The following KLHDC10 variants were observed in gnomAD, a reference collection of about 807,000 sequenced individuals.
The protein encoded by KLHDC10 is kelch domain-containing protein 10.
A neutral mutation model predicts 56.1 loss-of-function variants in KLHDC10; 24 were observed. The observed-to-expected ratio is 0.43, with a 90% confidence interval of 0.31 to 0.60. The LOEUF (loss-of-function observed/expected upper bound fraction) is 0.60. Ranked by LOEUF, KLHDC10 falls within the 20% of genes least tolerant of loss-of-function variation. The pLI is 0.11. For synonymous variants in KLHDC10, 188 were observed against 207.1 expected, an observed-to-expected ratio of 0.91 and a Z score of 0.79; for missense variants, 349 against 567.0, an observed-to-expected ratio of 0.62 and a Z score of 3.91.
chr7:130,108,828 CCT>C (rs1796058628), intron 2 of KLHDC10, among the ~76,000 whole-genome samples: 1 of 152,140 alleles, frequency 6.6e-6, no homozygotes, highest in Non-Finnish European at 1.5e-5. Context: ...TGCTCCCTCT[CCT>C]CTCTCCCTTC....
At chr7:130,096,651 T>TAATA (rs951423194) in intron 1 of KLHDC10, among the ~76,000 whole-genome samples, 1 of 152,184 alleles carries the variant, frequency 6.6e-6, no homozygotes, top group Admixed American at 6.5e-5. Context: ...TGGTGATTAT[T>TAATA]GAGTGCACAT....
chr7:130,121,975 T>C (rs1340832847), intron 4 of KLHDC10, 79 bp from the exon 5 acceptor site: 7 of 1,251,958 alleles, frequency 5.6e-6, no homozygotes, highest in East Asian at 2.5e-5. Flanking sequence ...TAAAACCTGA[T>C]TTGGAGGTAT....
At chr7:130,073,875 TA>T (rs1795459250) in intron 1 of KLHDC10, among the ~76,000 whole-genome samples, 1 of 152,176 alleles carries the variant, frequency 6.6e-6, no homozygotes, top group South Asian at 2.1e-4. Context: ...ACTCCTGCCA[TA>T]ACTCCAATCC....
intron 1 of KLHDC10, among the ~76,000 whole-genome samples, chr7:130,088,760 A>C (rs1220236454): frequency 6.7e-6 from 1 of 149,334 alleles, no homozygotes; most frequent in East Asian, 2.0e-4. Flanking sequence ...CTCCTGCCTC[A>C]GCCTCCCGAG....
At chr7:130,090,643 C>A (rs527291503) in intron 1 of KLHDC10, among the ~76,000 whole-genome samples, 27 of 151,706 alleles carry the variant, frequency 1.8e-4, no homozygotes, top group Middle Eastern at 3.5e-3. Flanking sequence ...GATCCATATA[C>A]CCTTCCCCAG....
intron 1 of KLHDC10, among the ~76,000 whole-genome samples, chr7:130,093,753 T>C (rs1201111871): frequency 1.3e-5 from 2 of 152,096 alleles, no homozygotes; most frequent in African/African-American, 4.8e-5. Flanking sequence ...ATAAAATGGG[T>C]TTTGAAGTCA....
In KLHDC10 at chr7:130,130,417, C is replaced by T. The variant is rs897563680; in HGVS notation, c.1120-120C>T. 39 of 731,426 alleles carry T rather than the reference C, an allele frequency of 5.3e-5. No homozygotes were observed. The highest frequency in any genetic ancestry group is 8.7e-5 in the Non-Finnish European group (36 of 413,186). 45.3% of individuals were successfully genotyped at this position (731,426 alleles called of 1,614,324 possible). A position where few individuals can be genotyped will look rare whatever the true frequency, so the allele number is the denominator to read the frequency against. Reference sequence around the variant, plus strand: ...CTTGATCTCCACATGGTATTGGGATCAGTGAGGAATTCTTGTTTCATTTCA... The same window carrying T: ...CTTGATCTCCACATGGTATTGGGATTAGTGAGGAATTCTTGTTTCATTTCA... On this transcript the variant is annotated intron_variant, in intron 9 of 9. Transcript: ENST00000335420. The surrounding 1 kb of genome is among the most constrained non-coding windows in gnomAD (Gnocchi z 4.2).
Position 130,122,041 on chromosome 7 carries a change from C to T in KLHDC10, c.631-13C>T, listed in dbSNP as rs1374365150. 1.2e-6 allele frequency: 2 copies of T among 1,608,024 alleles called. No individual in the cohort carries two copies. On this transcript the variant is annotated splice_polypyrimidine_tract_variant and intron_variant, in intron 4 of 9. Transcript: ENST00000335420. ...TAACAAGTCGGTCTTATTCACCTTT[C>T]CTTGTTATCCAGGCTATGGCCATCA... is the stretch of plus-strand genomic sequence containing the variant.
rs1233381887 is a variant in KLHDC10, at chr7:130,085,795, C to T, written c.167-11126C>T. 2.1e-5 allele frequency among the ~76,000 whole-genome samples: 3 copies of T among 143,020 alleles called. No homozygotes were observed. The East Asian group carries it at 6.3e-4, about 30-fold the overall frequency. The allele number at this position is 143,020 out of a possible 152,430, so 93.8% of individuals were successfully genotyped here. ...GTTGCAGTGAGCCGACATTGCACCACTGCACTCCAGCCTGGGTGACAGAGT... is the reference window on the plus strand; with the variant it reads ...GTTGCAGTGAGCCGACATTGCACCATTGCACTCCAGCCTGGGTGACAGAGT... On this transcript the variant is annotated intron_variant, in intron 1 of 9. Coordinates refer to ENST00000335420, the MANE Select transcript of KLHDC10 (RefSeq NM_014997.4).
At chr7:130,092,042 T>C (rs1795782599) in intron 1 of KLHDC10, among the ~76,000 whole-genome samples, 1 of 152,224 alleles carries the variant, frequency 6.6e-6, no homozygotes, top group Admixed American at 6.5e-5. Flanking sequence ...CCCCACTGAA[T>C]AGTCTTGTCA....
At chr7:130,105,871 C>T (rs556974390) in intron 2 of KLHDC10, among the ~76,000 whole-genome samples, 4 of 152,198 alleles carry the variant, frequency 2.6e-5, no homozygotes, top group South Asian at 2.1e-4. Context: ...CATTTAAGGC[C>T]GGGCGCGGTG....
intron 1 of KLHDC10, among the ~76,000 whole-genome samples, chr7:130,080,340 C>CT (rs1795586376): frequency 6.6e-6 from 1 of 152,090 alleles, no homozygotes; most frequent in Non-Finnish European, 1.5e-5. Flanking sequence ...TGGACCTCCT[C>CT]TTTTTTAGGG....
chr7:130,127,099 G>A (rs980946339), intron 7 of KLHDC10, among the ~76,000 whole-genome samples: 3 of 152,170 alleles, frequency 2.0e-5, no homozygotes, highest in Non-Finnish European at 4.4e-5. Context: ...GTGAGACCCT[G>A]TCTCTAAATT....
intron 2 of KLHDC10, among the ~76,000 whole-genome samples, chr7:130,100,998 T>TAA (rs374205614): frequency 0.056 from 6,754 of 120,888 alleles, 226 homozygotes; most frequent in South Asian, 0.15. Context: ...TCATTGTAAT[T>TAA]AAAAAAAAAA....
intron 2 of KLHDC10, among the ~76,000 whole-genome samples, chr7:130,103,312 G>A (rs546508737): frequency 6.6e-5 from 10 of 151,774 alleles, no homozygotes; most frequent in East Asian, 5.8e-4. Context: ...TGTAATCCCC[G>A]CTACTCGGGA....
At chr7:130,108,101 C>G (rs1421768661) in intron 2 of KLHDC10, among the ~76,000 whole-genome samples, 2 of 149,390 alleles carry the variant, frequency 1.3e-5, no homozygotes, top group Non-Finnish European at 3.0e-5. Flanking sequence ...AGGTCGTGTG[C>G]GCCTGGAGTC....
Position 130,108,725 on chromosome 7 carries a change from C to CAA in KLHDC10, c.254-7706_254-7705dup, listed in dbSNP as rs200535259. On this transcript the variant is annotated intron_variant, in intron 2 of 9. Coordinates refer to ENST00000335420, the MANE Select transcript of KLHDC10 (RefSeq NM_014997.4). ...CGACAGAGCGAGACCCCATCTCAAA[C>CAA]AAAAAAAAAAAAAAAGAAAGAAAAG... Among the ~76,000 whole-genome samples the CAA allele has an allele frequency of 1.3e-4, 11 of 86,310 alleles. No individual in the cohort carries two copies. The South Asian group carries it at 1.6e-3, about 13-fold the overall frequency. 56.6% of individuals were successfully genotyped at this position (86,310 alleles called of 152,430 possible).
chr7:130,077,780 C>T (rs960752329), intron 1 of KLHDC10, among the ~76,000 whole-genome samples: 46 of 151,840 alleles, frequency 3.0e-4, no homozygotes, highest in African/African-American at 9.2e-4. Context: ...TGGTCTCGAT[C>T]TCCTGACCTC....
At chr7:130,085,006 G>GT (rs1475173840) in intron 1 of KLHDC10, among the ~76,000 whole-genome samples, 2 of 152,018 alleles carry the variant, frequency 1.3e-5, no homozygotes, top group Non-Finnish European at 2.9e-5. Context: ...GGCTCACAAT[G>GT]TTTTTTGGAA....
Sources: allele counts gnomAD v4.1 joint callset (sites outside exome capture counted in the v4.1 genomes callset), GRCh38; gene constraint gnomAD v4.1.1; non-coding constraint Gnocchi (gnomAD v3.1); transcripts MANE v1.5; gene names NCBI Gene and HGNC (gene_info 2026-07-23, HGNC 2026-07-21).